GRIPAP1: variants seen among roughly 807,000 people sequenced by gnomAD.
GRIPAP1 encodes GRIP1 associated protein 1.
A neutral mutation model predicts 84.1 loss-of-function variants in GRIPAP1; 14 were observed. The ratio of observed to expected loss-of-function variants is 0.17; its 90% CI spans 0.11 to 0.26. GRIPAP1 has a LOEUF of 0.26. GRIPAP1 is among the 10% of genes least tolerant of loss of function. The pLI is 1.00. For missense variants in GRIPAP1, 518 were observed against 674.2 expected (o/e 0.77, Z 2.57); for synonymous variants, 261 against 256.8 (o/e 1.02, Z -0.15).
chrX:48,997,484 A>AT (rs2064553831), intron 4 of GRIPAP1, 127 bp from the exon 5 acceptor site: 1 of 473,043 alleles, frequency 2.1e-6, no homozygotes, highest in East Asian at 3.8e-5. Flanking sequence ...GAATGAGGTG[A>AT]TATAGGAGAA....
chrX:48,995,431 TTAAG>T (rs1467654577), intron 5 of GRIPAP1, among the ~76,000 whole-genome samples: 1 of 110,815 alleles, frequency 9.0e-6, no homozygotes, highest in Non-Finnish European at 1.9e-5. Context: ...CTGGAATGTA[TTAAG>T]TAAAGGAGTG....
At chrX:48,974,567 C>T (rs1202647293) in intron 25 of GRIPAP1, among the ~76,000 whole-genome samples, 1 of 111,936 alleles carries the variant, frequency 8.9e-6, no homozygotes, top group African/African-American at 3.2e-5. Context: ...TGGCCACCTG[C>T]TCTTCTAAGT....
chrX:48,997,180 C>T, intron 5 of GRIPAP1, 70 bp downstream of exon 5: 2 of 605,885 alleles, frequency 3.3e-6, no homozygotes, highest in Admixed American at 2.7e-5. Context: ...TCACTCTCTG[C>T]CGCTGTTAGG....
intron 10 of GRIPAP1, 53 bp downstream of exon 10, chrX:48,989,782 T>C (rs2064510471): frequency 8.6e-7 from 1 of 1,158,183 alleles, no homozygotes; most frequent in East Asian, 3.0e-5. Flanking sequence ...CCCTGTAATC[T>C]TCACTGGGCA....
intron 14 of GRIPAP1, among the ~76,000 whole-genome samples, chrX:48,984,609 G>A (rs782353472): frequency 7.5e-5 from 8 of 105,991 alleles, no homozygotes; most frequent in African/African-American, 1.0e-4. Context: ...CAGCTACTCC[G>A]GAGGCTGAGG....
intron 24 of GRIPAP1, 42 bp from the exon 25 acceptor site, chrX:48,975,351 AGAG>A: frequency 4.3e-6 from 5 of 1,166,526 alleles, no homozygotes; most frequent in Non-Finnish European, 5.8e-6. Context: ...CGGCAGAGCC[AGAG>A]GAGAGCCAGG....
chrX:48,982,810 G>A (rs1195790887), intron 17 of GRIPAP1, among the ~76,000 whole-genome samples, 169 bp downstream of exon 17: 1 of 112,422 alleles, frequency 8.9e-6, no homozygotes, highest in African/African-American at 3.2e-5. Context: ...CTATCTGATG[G>A]CCATCCCCTG....
intron 7 of GRIPAP1, 70 bp downstream of exon 7, chrX:48,990,855 TG>T: frequency 1.9e-6 from 2 of 1,030,134 alleles, no homozygotes; most frequent in Non-Finnish European, 2.7e-6. Flanking sequence ...GCCATCTCCG[TG>T]GGACTATAGA....
rs1602470538 is a variant in GRIPAP1, at chrX:48,983,219, C to T, written c.1485+9G>A. On this transcript the variant is annotated intron_variant, in intron 16 of 25. Transcript: ENST00000376423. The stretch of plus-strand genomic sequence containing the variant: ...AGAGGAAGAAGGGCATCATCATCTA[C>T]CCACCCACCTTCTCCTCCCGGATCT... 1.7e-6 allele frequency: 2 copies of T among 1,199,104 alleles called. No individual in the cohort carries two copies. Among genetic ancestry groups the T allele is most frequent in the East Asian group, 5.9e-5 (2 of 33,716 alleles).
At chrX:48,999,410 C>A in intron 2 of GRIPAP1, 28 bp downstream of exon 2, 1 of 1,153,744 alleles carries the variant, frequency 8.7e-7, no homozygotes, top group South Asian at 1.8e-5. Context: ...CAAAGCCACC[C>A]CCATCTAATA....
In GRIPAP1 at chrX:48,989,550, C is replaced by T. The variant is rs192355489; in HGVS notation, c.870+61G>A. On this transcript the variant is annotated intron_variant, in intron 11 of 25. Coordinates refer to ENST00000376423, the MANE Select transcript of GRIPAP1 (RefSeq NM_020137.5). ...CCAGCCAGCCTCCATGGACCTCAGA[C>T]CTCTCCAGGCTCCCAGTCCTGGCCC... 17 of 764,165 alleles carry T rather than the reference C, an allele frequency of 2.2e-5. No individual in the cohort carries two copies. The African/African-American group carries it at 3.5e-4, about 16-fold the overall frequency. The allele number at this position is 764,165 out of a possible 1,213,427, so 63.0% of individuals were successfully genotyped here.
At chrX:48,982,794 T>G (rs1168364367) in intron 17 of GRIPAP1, among the ~76,000 whole-genome samples, 185 bp downstream of exon 17, 11 of 112,469 alleles carry the variant, frequency 9.8e-5, no homozygotes, top group African/African-American at 3.6e-4. Context: ...CACGTGACAG[T>G]CTGTCCTATC....
chrX:48,990,727 T>G lies in GRIPAP1; in HGVS notation c.648A>C (p.Ser216=). ...GCAGCCTGGATGTTTCGGCCTGCTT[T>G]GAGCTCTGCAGGGAAGGATGAGGGA... ...LWEQLQGLES[S]KQAETSRLQE... is the part of the protein sequence containing the mutation. The change falls in exon 8 of 26, where the codon TCA becomes TCC. Residue 216 remains serine, a synonymous_variant. Transcript: ENST00000376423. 8.3e-7 allele frequency: 1 copy of G among 1,203,282 alleles called. No homozygotes were observed. Among genetic ancestry groups the G allele is most frequent in the South Asian group, 1.8e-5 (1 of 55,889 alleles).
At chrX:48,978,556 G>T in intron 21 of GRIPAP1, 121 bp from the exon 22 acceptor site, 1 of 634,627 alleles carries the variant, frequency 1.6e-6, no homozygotes, top group Non-Finnish European at 2.3e-6. Flanking sequence ...TGGGCATGGG[G>T]AAAGGCAGAA....
intron 23 of GRIPAP1, 64 bp from the exon 24 acceptor site, chrX:48,976,175 C>G: frequency 3.4e-6 from 4 of 1,190,511 alleles, no homozygotes; most frequent in Non-Finnish European, 3.4e-6. Context: ...GAGGCGGGCC[C>G]GGGCAGACCC....
intron 6 of GRIPAP1, among the ~76,000 whole-genome samples, chrX:48,991,568 C>T (rs1218134856): frequency 8.9e-6 from 1 of 112,425 alleles, no homozygotes; most frequent in Non-Finnish European, 1.9e-5. Context: ...TGGCTGGGCA[C>T]GGTGGCTCAC....
At chrX:48,995,605 T>A (rs2064543245) in intron 5 of GRIPAP1, among the ~76,000 whole-genome samples, 1 of 110,576 alleles carries the variant, frequency 9.0e-6, no homozygotes, top group Non-Finnish European at 1.9e-5. Context: ...AACTTTTTTT[T>A]TTTAAATTGA....
In GRIPAP1 at chrX:48,999,223, G is replaced by A; in HGVS notation, c.171+15C>T. ...GGGTGGATGGGTAGGTGGATGGGTGGGTGGAGGGAGGTACCTTCTGAGCTT... is the reference window on the plus strand; with the variant it reads ...GGGTGGATGGGTAGGTGGATGGGTGAGTGGAGGGAGGTACCTTCTGAGCTT... On this transcript the variant is annotated intron_variant, in intron 3 of 25. Coordinates refer to ENST00000376423, the MANE Select transcript of GRIPAP1 (RefSeq NM_020137.5). 8.5e-7 allele frequency: 1 copy of A among 1,179,834 alleles called. No individual in the cohort carries two copies. Among genetic ancestry groups the A allele is most frequent in the Non-Finnish European group, 1.2e-6 (1 of 867,274 alleles).
At chrX:48,975,758 A>G in intron 24 of GRIPAP1, 1 of 380,400 alleles carries the variant, frequency 2.6e-6, no homozygotes, top group Non-Finnish European at 4.5e-6. Flanking sequence ...GAGGAAGATG[A>G]GGCACAGGGA....
Sources: allele counts gnomAD v4.1 joint callset (sites outside exome capture counted in the v4.1 genomes callset), GRCh38; gene constraint gnomAD v4.1.1; transcripts MANE v1.5; gene names NCBI Gene and HGNC (gene_info 2026-07-23, HGNC 2026-07-21).